Variants in AGO1 observed in about 807,000 individuals in gnomAD.
The protein encoded by AGO1 is protein argonaute-1.
Under a neutral mutation model 109.2 loss-of-function variants are expected in AGO1, and 11 were observed. The observed-to-expected ratio is 0.10, with a 90% CI of 0.06 to 0.17. The LOEUF is 0.17. Among genes scored for constraint, AGO1 ranks in the 10% least tolerant of loss-of-function variants. The pLI is 1.00. For synonymous variants in AGO1, 422 were observed against 418.6 expected (o/e 1.01, Z -0.10); for missense variants, 574 against 1,140.3 (o/e 0.50, Z 7.15).
At position 35,929,577 on chromosome 1, in the gene AGO1, AC is replaced by A. The variant is rs1264651380; in HGVS notation, c.*9971del. ...GCTGCTACCAAGATTTGGATTGTGT[AC>A]AGTCGAGGATTAAAAATGACTTTTA... is the stretch of plus-strand genomic sequence containing the variant. On this transcript the variant is annotated 3_prime_UTR_variant, in exon 19 of 19. Transcript: ENST00000373204. The A allele has an allele frequency of 6.6e-6, 1 of 152,364 alleles. No individual in the cohort carries two copies. The highest frequency in any genetic ancestry group is 1.9e-4 in the East Asian group (1 of 5,190). The allele number at this position is 152,364 out of a possible 1,614,324, so 9.4% of individuals were successfully genotyped here.
chr1:35,881,264 C>T (rs1210364300), upstream of AGO1, among the ~76,000 whole-genome samples: 1 of 152,210 alleles, frequency 6.6e-6, no homozygotes, highest in Non-Finnish European at 1.5e-5. Context: ...TCCCACCCAA[C>T]ACCTACTGAA....
rs1645864590 is a variant in AGO1 at position 35,923,229 on chromosome 1, G to T, written c.*3622G>T. 1 of 152,198 alleles carries T rather than the reference G, an allele frequency of 6.6e-6. No homozygotes were observed. Among genetic ancestry groups the T allele is most frequent in the African/African-American group, 2.4e-5 (1 of 41,436 alleles). The allele number at this position is 152,198 out of a possible 1,614,324, so 9.4% of individuals were successfully genotyped here. On this transcript the variant is annotated 3_prime_UTR_variant, in exon 19 of 19. Transcript: ENST00000373204. ...CCTAAAAAGCTCCTAATGCCCACCT[G>T]CTAGATAGCTTCTCTGTGGCCTCCT...
intron 1 of AGO1, among the ~76,000 whole-genome samples, chr1:35,876,536 G>C (rs911657568): frequency 4.6e-5 from 7 of 152,258 alleles, no homozygotes; most frequent in Admixed American, 3.9e-4. Flanking sequence ...AAAGTGCTGG[G>C]ATTACAGGTG....
At chr1:35,904,108 CTTT>C (rs1198233881) in intron 11 of AGO1, among the ~76,000 whole-genome samples, 3 of 110,966 alleles carry the variant, frequency 2.7e-5, no homozygotes, top group Admixed American at 1.0e-4. Flanking sequence ...TTCCTGAGCT[CTTT>C]TTTTTTTTTT....
rs1176111045 is a variant in AGO1 at position 35,928,448 on chromosome 1, T to A, written c.*8841T>A. 6.7e-6 allele frequency: 1 copy of A among 149,542 alleles called. No individual in the cohort carries two copies. The highest frequency in any genetic ancestry group is 1.5e-5 in the Non-Finnish European group (1 of 68,010). The allele number at this position is 149,542 out of a possible 1,614,324, so 9.3% of individuals were successfully genotyped here. A position where few individuals can be genotyped will look rare whatever the true frequency, so the allele number is the denominator to read the frequency against. Reference sequence around the variant, plus strand: ...GGCGCACACCACCATGCCCAGCTAATTAAAAAAAAAATTTTTTTTGTAGCA... The same window carrying A: ...GGCGCACACCACCATGCCCAGCTAAATAAAAAAAAAATTTTTTTTGTAGCA... On this transcript the variant is annotated 3_prime_UTR_variant, in exon 19 of 19. Coordinates refer to ENST00000373204, the MANE Select transcript of AGO1 (RefSeq NM_012199.5).
In AGO1 at chr1:35,919,810, C is replaced by T; in HGVS notation, c.*203C>T. 1 of 567,532 alleles carries T rather than the reference C, an allele frequency of 1.8e-6. No homozygotes were observed. Among genetic ancestry groups the T allele is most frequent in the Non-Finnish European group, 3.1e-6 (1 of 319,018 alleles). The allele number at this position is 567,532 out of a possible 1,614,324, so 35.2% of individuals were successfully genotyped here. A position where few individuals can be genotyped will look rare whatever the true frequency, so the allele number is the denominator to read the frequency against. ...ACCAGCCAGAAATCTCTGATATCAA[C>T]CTCATGTCCCCCACCCCTCACCCCA... On this transcript the variant is annotated 3_prime_UTR_variant, in exon 19 of 19. Transcript: ENST00000373204. The surrounding 1 kb of genome is among the most constrained non-coding windows in gnomAD (Gnocchi z 6.6).
At chr1:35,909,561 C>T (rs1009107020) in intron 12 of AGO1, among the ~76,000 whole-genome samples, 1 of 152,218 alleles carries the variant, frequency 6.6e-6, no homozygotes, top group African/African-American at 2.4e-5. Flanking sequence ...TTAAAATTCT[C>T]TCCATCCTTT....
chr1:35,913,692 G>T, intron 12 of AGO1, 150 bp from the exon 13 acceptor site: 1 of 650,052 alleles, frequency 1.5e-6, no homozygotes, highest in East Asian at 2.9e-5. Flanking sequence ...TTTAAAATTA[G>T]TCCCTATTTA....
At chr1:35,911,525 C>T (rs1400140805) in intron 12 of AGO1, among the ~76,000 whole-genome samples, 1 of 151,946 alleles carries the variant, frequency 6.6e-6, no homozygotes, top group Non-Finnish European at 1.5e-5. Context: ...TGGAATTTTA[C>T]CCCCTCTAGT....
At chr1:35,880,361 G>C (rs1158568503), upstream of AGO1, among the ~76,000 whole-genome samples, 1 of 152,000 alleles carries the variant, frequency 6.6e-6, no homozygotes, top group Admixed American at 6.6e-5. Context: ...ACCAGCCTGG[G>C]CAATATAGCG....
Position 35,904,591 on chromosome 1 carries a change from GT to G in AGO1, c.1397+2255del, listed in dbSNP as rs575107647. Among the ~76,000 whole-genome samples the G allele has an allele frequency of 4.4e-3, 665 of 152,262 alleles. 8 individuals are homozygous for G. The highest frequency in any genetic ancestry group is 0.015 in the African/African-American group (626 of 41,540). On this transcript the variant is annotated intron_variant, in intron 11 of 18. Transcript: ENST00000373204. ...TGATCTATTGTTTTGGCCATTTGGGGTATGGGCACCAGTAAACCCAGAAACT... is the reference window on the plus strand; with the variant it reads ...TGATCTATTGTTTTGGCCATTTGGGGATGGGCACCAGTAAACCCAGAAACT...
At chr1:35,918,522 T>G (rs1333955593) in intron 17 of AGO1, 99 bp downstream of exon 17, 6 of 975,286 alleles carry the variant, frequency 6.2e-6, no homozygotes, top group Non-Finnish European at 1.0e-5. Flanking sequence ...GACATCCAAA[T>G]TAGGATTGCT....
intron 16 of AGO1, 29 bp downstream of exon 16, chr1:35,917,756 C>G: frequency 6.2e-7 from 1 of 1,604,442 alleles, no homozygotes; most frequent in Non-Finnish European, 8.5e-7. Context: ...CCTCCCATCC[C>G]CTCCTTCTGT....
intron 1 of AGO1, among the ~76,000 whole-genome samples, chr1:35,886,632 G>T (rs984609142): frequency 6.6e-6 from 1 of 152,144 alleles, no homozygotes; most frequent in African/African-American, 2.4e-5. Flanking sequence ...TGAAATATAA[G>T]AACTTGGGGA....
At chr1:35,878,844 A>G (rs1009121371), upstream of AGO1, among the ~76,000 whole-genome samples, 2 of 151,226 alleles carry the variant, frequency 1.3e-5, no homozygotes, top group Non-Finnish European at 3.0e-5. Context: ...GAATCCTTTT[A>G]CTTATTTAAT....
chr1:35,881,850 G>A (rs767515670), upstream of AGO1, among the ~76,000 whole-genome samples: 2 of 152,184 alleles, frequency 1.3e-5, no homozygotes, highest in African/African-American at 4.8e-5. Flanking sequence ...CTCTTACCCC[G>A]CCTATCACTG....
intron 2 of AGO1, among the ~76,000 whole-genome samples, chr1:35,891,587 C>T (rs190518461): frequency 2.0e-5 from 3 of 151,370 alleles, no homozygotes; most frequent in East Asian, 1.9e-4. Flanking sequence ...TTTTTTGAGA[C>T]GGAGTCTCAC....
At position 35,901,907 on chromosome 1, in the gene AGO1, A is replaced by G; in HGVS notation, c.1141-41A>G. On this transcript the variant is annotated intron_variant, in intron 9 of 18. Coordinates refer to ENST00000373204, the MANE Select transcript of AGO1 (RefSeq NM_012199.5). This position sits in a 1 kb window ranked among gnomAD's most constrained non-coding sequence, Gnocchi z 4.8. The stretch of plus-strand genomic sequence containing the variant: ...TACCCAGAGGGTGAGCAGTATTGCC[A>G]AGCTCCTGTTCTCCTGAGATTGCTC... 6.5e-7 allele frequency: 1 copy of G among 1,547,536 alleles called. No homozygotes were observed.
Position 35,888,602 on chromosome 1 carries a change from A to G in AGO1, c.201A>G (p.Arg67=). The change falls in exon 2 of 19, where the codon AGA becomes AGG. Residue 67 remains arginine (R), a synonymous_variant. Transcript: ENST00000373204. This position sits in a 1 kb window ranked among gnomAD's most constrained non-coding sequence, Gnocchi z 4.1. ...TCAAGCCGGATAAGTGTCCCCGTAG[A>G]GTCAACCGGTAAGTGATGCACACCT... ...VDIKPDKCPR[R]VNREVVEYMV... is the part of the protein sequence containing the mutation. The G allele has an allele frequency of 6.2e-7, 1 of 1,614,240 alleles. No individual in the cohort carries two copies. Among genetic ancestry groups the G allele is most frequent in the African/African-American group, 1.3e-5 (1 of 75,064 alleles).
Sources: gnomAD v4.1 joint callset for allele counts (sites outside exome capture counted in the v4.1 genomes callset) on GRCh38, gnomAD v4.1.1 for gene constraint, Gnocchi (gnomAD v3.1) non-coding constraint, MANE v1.5 for transcripts, NCBI Gene and HGNC (gene_info 2026-07-23, HGNC 2026-07-21) for gene names.